The following GCA variants were observed in gnomAD, a reference collection of about 807,000 sequenced individuals.
GCA encodes grancalcin, also known as grancalcin, EF-hand calcium-binding protein.
In GCA, 30 loss-of-function variants were observed where a neutral mutation model predicts 32.6. The observed-to-expected ratio is 0.92, with a 90% CI of 0.69 to 1.25. GCA has a LOEUF of 1.25. Ranked by LOEUF, GCA falls within the 50% of genes most tolerant of loss-of-function variation. GCA has a pLI of 0.00. For synonymous variants in GCA, 102 were observed against 84.6 expected, an observed-to-expected ratio of 1.21 and a Z score of -1.13; for missense variants, 291 against 266.8, an observed-to-expected ratio of 1.09 and a Z score of -0.63.
At chr2:162,335,969 A>G (rs1447797695) in intron 1 of GCA, among the ~76,000 whole-genome samples, 1 of 152,272 alleles carries the variant, frequency 6.6e-6, no homozygotes, top group Non-Finnish European at 1.5e-5. Flanking sequence ...ATGTTAATAA[A>G]GAGAAATTGT....
chr2:162,331,637 C>T (rs1684087921), intron 1 of GCA, among the ~76,000 whole-genome samples: 1 of 152,156 alleles, frequency 6.6e-6, no homozygotes, highest in African/African-American at 2.4e-5. Context: ...AGGCTGGGGA[C>T]CTCACCAGAT....
intron 5 of GCA, among the ~76,000 whole-genome samples, chr2:162,358,121 G>T (rs889116844): frequency 3.3e-5 from 5 of 151,276 alleles, no homozygotes; most frequent in Admixed American, 2.0e-4. Context: ...TTTCACCTTT[G>T]AATTGATTAG....
At position 162,360,340 on chromosome 2, in the gene GCA, C is replaced by T; in HGVS notation, c.*97C>T. ...AAAACTTTTAAGGGTTTTCTATGTT[C>T]TTCCTACCTGTTAAACCTCTTCCCT... On this transcript the variant is annotated 3_prime_UTR_variant, in exon 8 of 8. Coordinates refer to ENST00000437150, the MANE Select transcript of GCA (RefSeq NM_012198.5). 6.7e-7 allele frequency: 1 copy of T among 1,503,236 alleles called. No homozygotes were observed. Among genetic ancestry groups the T allele is most frequent in the Non-Finnish European group, 8.9e-7 (1 of 1,128,722 alleles). 93.1% of individuals were successfully genotyped at this position (1,503,236 alleles called of 1,614,324 possible).
intron 1 of GCA, among the ~76,000 whole-genome samples, chr2:162,321,250 G>T (rs1683651483): frequency 6.6e-6 from 1 of 151,930 alleles, no homozygotes; most frequent in Admixed American, 6.6e-5. Context: ...TCTTCTACTA[G>T]GTTTCATTTT....
downstream of GCA, among the ~76,000 whole-genome samples, chr2:162,365,556 T>G (rs1050367977): frequency 3.3e-5 from 5 of 151,706 alleles, no homozygotes; most frequent in African/African-American, 1.2e-4. Flanking sequence ...GTTTAAAGCA[T>G]TCCAAGGTAC....
intron 1 of GCA, among the ~76,000 whole-genome samples, chr2:162,324,713 C>G (rs1558883022): frequency 1.3e-5 from 2 of 152,212 alleles, no homozygotes; most frequent in African/African-American, 2.4e-5. Context: ...CCTCCTCTAC[C>G]CAGCACTTCC....
chr2:162,364,526 T>C (rs915191676), downstream of GCA, among the ~76,000 whole-genome samples: 2 of 151,554 alleles, frequency 1.3e-5, no homozygotes, highest in African/African-American at 4.8e-5. Context: ...ATACAATTTT[T>C]TCTGCTATTT....
Position 162,344,232 on chromosome 2 carries a change from C to T in GCA, c.-17C>T, listed in dbSNP as rs1331344712. ...CGCGACTCGAGGGTGACGCTCGCTC[C>T]GCTCGTCCCGCTCGTCATGGCCTAC... is the stretch of plus-strand genomic sequence containing the variant. On this transcript the variant is annotated 5_prime_UTR_variant, in exon 1 of 8. Transcript: ENST00000437150. 6.2e-6 allele frequency: 10 copies of T among 1,613,562 alleles called. No homozygotes were observed. In the East Asian group the frequency reaches 6.7e-5, roughly 11 times the overall value.
rs1409534606 is a variant in GCA at position 162,361,028 on chromosome 2, T to G, written c.*785T>G. 2 of 1,008,386 alleles carry G rather than the reference T, an allele frequency of 2.0e-6. No individual in the cohort carries two copies. The highest frequency in any genetic ancestry group is 2.4e-6 in the Non-Finnish European group (2 of 830,214). 62.5% of individuals were successfully genotyped at this position (1,008,386 alleles called of 1,614,324 possible). ...GAAATGGCATATGTTTTTGATGATA[T>G]GTCAACATTCAAAATTGTCCTAATT... On this transcript the variant is annotated 3_prime_UTR_variant, in exon 8 of 8. Transcript: ENST00000437150.
In GCA at chr2:162,360,839, TTCC is replaced by T; in HGVS notation, c.*598_*600del. On this transcript the variant is annotated 3_prime_UTR_variant, in exon 8 of 8. Coordinates refer to ENST00000437150, the MANE Select transcript of GCA (RefSeq NM_012198.5). ...ATAAGACTACAGAAGGCATTGTTTT[TTCC>T]TTTTTTATTTTTTGTATTATATATT... 1 of 1,195,202 alleles carries T rather than the reference TTCC, an allele frequency of 8.4e-7. No homozygotes were observed. Among genetic ancestry groups the T allele is most frequent in the Non-Finnish European group, 1.1e-6 (1 of 946,214 alleles). 74.0% of individuals were successfully genotyped at this position (1,195,202 alleles called of 1,614,324 possible). A position where few individuals can be genotyped will look rare whatever the true frequency, so the allele number is the denominator to read the frequency against.
At chr2:162,350,085 C>T (rs1684914853) in intron 2 of GCA, among the ~76,000 whole-genome samples, 3 of 152,122 alleles carry the variant, frequency 2.0e-5, no homozygotes, top group Non-Finnish European at 4.4e-5. Context: ...CTATAATAGT[C>T]ACCATCCCAG....
chr2:162,347,703 T>C lies in GCA; in HGVS notation c.153T>C (p.Gly51=). ...ATTCAGACACTTATTCCTCAGCTGGTGACTCCGTGTATACTTACTTCAGTG... is the reference window on the plus strand; with the variant it reads ...ATTCAGACACTTATTCCTCAGCTGGCGACTCCGTGTATACTTACTTCAGTG... The part of the protein sequence containing the change: ...PAYSDTYSSA[G]DSVYTYFSAV... Residue 51 remains glycine (G), a synonymous_variant, in exon 2 of 8, where the codon GGT becomes GGC. Coordinates refer to ENST00000437150, the MANE Select transcript of GCA (RefSeq NM_012198.5). The C allele has an allele frequency of 6.2e-7, 1 of 1,606,094 alleles. No homozygotes were observed. The highest frequency in any genetic ancestry group is 8.5e-7 in the Non-Finnish European group (1 of 1,174,958).
intron 1 of GCA, among the ~76,000 whole-genome samples, chr2:162,328,628 C>A (rs1683973324): frequency 6.6e-6 from 1 of 152,124 alleles, no homozygotes; most frequent in Admixed American, 6.5e-5. Flanking sequence ...ATTTACAGCT[C>A]CTGAAGCCTC....
Position 162,360,426 on chromosome 2 carries a change from G to A in GCA, c.*183G>A. On this transcript the variant is annotated 3_prime_UTR_variant, in exon 8 of 8. Transcript: ENST00000437150. ...CAATAAAAGATTTCTTTTTTAATTT[G>A]AGGTATTACTGCTTTTGGAAAAGTT... 8.4e-7 allele frequency: 1 copy of A among 1,196,362 alleles called. No individual in the cohort carries two copies. The highest frequency in any genetic ancestry group is 2.5e-5 in the South Asian group (1 of 39,538). 74.1% of individuals were successfully genotyped at this position (1,196,362 alleles called of 1,614,324 possible).
At chr2:162,337,818 A>C (rs186099626) in intron 1 of GCA, among the ~76,000 whole-genome samples, 60 of 152,278 alleles carry the variant, frequency 3.9e-4, no homozygotes, top group East Asian at 2.7e-3. Flanking sequence ...AGTAACATTA[A>C]AGGCTCTAAG....
At chr2:162,366,663 G>A (rs1020953661), downstream of GCA, among the ~76,000 whole-genome samples, 3 of 151,848 alleles carry the variant, frequency 2.0e-5, no homozygotes, top group Admixed American at 6.6e-5. Flanking sequence ...ACATCACATC[G>A]TAAGTAGAAC....
downstream of GCA, chr2:162,372,190 CATT>C: frequency 9.8e-7 from 1 of 1,022,524 alleles, no homozygotes; most frequent in Non-Finnish European, 1.4e-6. Flanking sequence ...TTTCTTTCCT[CATT>C]AATCTATATT....
downstream of GCA, among the ~76,000 whole-genome samples, chr2:162,373,184 T>C (rs1686026944): frequency 6.6e-6 from 1 of 152,162 alleles, no homozygotes; most frequent in Non-Finnish European, 1.5e-5. Context: ...CATGTAAATT[T>C]AAGCAGGTTG....
intron 3 of GCA, among the ~76,000 whole-genome samples, chr2:162,356,104 A>C (rs1337414714): frequency 6.6e-6 from 1 of 151,922 alleles, no homozygotes; most frequent in East Asian, 1.9e-4. Context: ...TCCACTTGTC[A>C]TTTGTGTTAT....
Sources: allele counts gnomAD v4.1 joint callset (sites outside exome capture counted in the v4.1 genomes callset), GRCh38; gene constraint gnomAD v4.1.1; transcripts MANE v1.5; gene names NCBI Gene and HGNC (gene_info 2026-07-23, HGNC 2026-07-21).